The following COLEC12 variants were observed in gnomAD, a reference collection of about 807,000 sequenced individuals.
COLEC12 encodes the protein collectin subfamily member 12, also known as collectin-12.
COLEC12 carries 33 observed loss-of-function variants against 71.1 expected under a neutral mutation model. That is an observed-to-expected ratio of 0.46 (90% CI 0.35 to 0.62). COLEC12 has a LOEUF of 0.62. COLEC12 is among the 20% of genes least tolerant of loss of function. The probability of loss-of-function intolerance (pLI) is 0.00; values close to 1 mark genes in which losing one functional copy is unlikely to be tolerated. For missense variants in COLEC12, 765 were observed against 916.1 expected (o/e 0.84, Z 2.13); for synonymous variants, 350 against 353.0 (o/e 0.99, Z 0.10).
chr18:483,507 G>C (rs1197965007), intron 1 of COLEC12, among the ~76,000 whole-genome samples: 2 of 152,136 alleles, frequency 1.3e-5, no homozygotes, highest in Non-Finnish European at 2.9e-5. Context: ...CTGCAGAAAG[G>C]GAAGAGATCT....
At chr18:377,316 C>T (rs964226392) in intron 2 of COLEC12, among the ~76,000 whole-genome samples, 4 of 152,216 alleles carry the variant, frequency 2.6e-5, no homozygotes, top group Non-Finnish European at 4.4e-5. Flanking sequence ...GCTCCCGGCA[C>T]GTGTGAGCCC....
intron 2 of COLEC12, among the ~76,000 whole-genome samples, chr18:416,812 C>A (rs1351610608): frequency 7.4e-6 from 1 of 135,846 alleles, no homozygotes; most frequent in Non-Finnish European, 1.5e-5. Context: ...CCTATCTTGC[C>A]TTACACTCTG....
intron 2 of COLEC12, among the ~76,000 whole-genome samples, chr18:416,454 A>G (rs1915987787): frequency 6.6e-6 from 1 of 152,190 alleles, no homozygotes; most frequent in African/African-American, 2.4e-5. Flanking sequence ...TCTGTGACTT[A>G]TGGGTCTCTT....
intron 8 of COLEC12, among the ~76,000 whole-genome samples, chr18:326,182 C>A (rs1292328492): frequency 6.6e-6 from 1 of 152,168 alleles, no homozygotes; most frequent in African/African-American, 2.4e-5. Flanking sequence ...ATGTTTTCAT[C>A]TTCTTTGAAA....
chr18:350,431 G>A (rs142792794), intron 3 of COLEC12, among the ~76,000 whole-genome samples: 2,015 of 152,196 alleles, frequency 0.013, 32 homozygotes, highest in Admixed American at 0.047. Flanking sequence ...GCATGGGAAC[G>A]GACTAATACA....
chr18:332,814 T>C lies in COLEC12; in HGVS notation c.1953+193A>G, dbSNP rs543172612. The stretch of plus-strand genomic sequence containing the variant: ...GATAGGCAATATCTTCCAGGAAGAA[T>C]CATGAAGATACAATTCCAATGCCAC... On this transcript the variant is annotated intron_variant, in intron 7 of 9. Transcript: ENST00000400256. 2.3e-3 allele frequency among the ~76,000 whole-genome samples: 351 copies of C among 152,314 alleles called. 1 individual carries two copies. The highest frequency in any genetic ancestry group is 7.6e-3 in the African/African-American group (314 of 41,564).
Position 325,717 on chromosome 18 carries a change from G to A in COLEC12, c.2064-3910C>T, listed in dbSNP as rs538718193. 3.6e-5 allele frequency among the ~76,000 whole-genome samples: 5 copies of A among 137,470 alleles called. No individual in the cohort carries two copies. In the South Asian group the frequency reaches 1.2e-3, roughly 32 times the overall value. The allele number at this position is 137,470 out of a possible 152,430, so 90.2% of individuals were successfully genotyped here. A position where few individuals can be genotyped will look rare whatever the true frequency, so the allele number is the denominator to read the frequency against. On this transcript the variant is annotated intron_variant, in intron 8 of 9. Transcript: ENST00000400256. ...AAAGAAAAAAAGCCAAGGCTGGAATGCAGAGGTGTCATCACAGCTCACTGC... is the reference window on the plus strand; with the variant it reads ...AAAGAAAAAAAGCCAAGGCTGGAATACAGAGGTGTCATCACAGCTCACTGC...
rs141872189 is a variant in COLEC12 at position 393,796 on chromosome 18, C to G, written c.59-36274G>C. On this transcript the variant is annotated intron_variant, in intron 2 of 9. Coordinates refer to ENST00000400256, the MANE Select transcript of COLEC12 (RefSeq NM_130386.3). Reference sequence around the variant, plus strand: ...TGCTAGATCATAAATTCCTTTCAGGCAATGCCATGTACGTTTATCTTTGTA... The same window carrying G: ...TGCTAGATCATAAATTCCTTTCAGGGAATGCCATGTACGTTTATCTTTGTA... Among the ~76,000 whole-genome samples the G allele has an allele frequency of 8.8e-3, 1,338 of 152,310 alleles. 19 individuals carry two copies. Among genetic ancestry groups the G allele is most frequent in the African/African-American group, 0.028 (1,184 of 41,554 alleles).
chr18:411,511 C>T (rs1382201717), intron 2 of COLEC12, among the ~76,000 whole-genome samples: 1 of 152,108 alleles, frequency 6.6e-6, no homozygotes, highest in African/African-American at 2.4e-5. Context: ...GGAAAAGAAA[C>T]TGACTATCTC....
chr18:368,339 A>G (rs749896252), intron 2 of COLEC12, among the ~76,000 whole-genome samples: 18 of 152,352 alleles, frequency 1.2e-4, no homozygotes, highest in South Asian at 2.1e-4. Flanking sequence ...TTGGGAGGCC[A>G]AGGTGGGTGG....
intron 5 of COLEC12, among the ~76,000 whole-genome samples, chr18:340,399 A>AC (rs1241752700): frequency 6.6e-6 from 1 of 152,142 alleles, no homozygotes; most frequent in African/African-American, 2.4e-5. Context: ...TGACACCTCT[A>AC]CCCCACGGTC....
At chr18:369,538 C>T (rs1216510274) in intron 2 of COLEC12, among the ~76,000 whole-genome samples, 2 of 150,926 alleles carry the variant, frequency 1.3e-5, no homozygotes, top group African/African-American at 4.9e-5. Flanking sequence ...CATGCTGGTG[C>T]GCTGCACCCA....
intron 2 of COLEC12, among the ~76,000 whole-genome samples, chr18:438,925 G>C (rs1180938385): frequency 6.6e-6 from 1 of 152,144 alleles, no homozygotes; most frequent in African/African-American, 2.4e-5. Flanking sequence ...TGATGGTGAG[G>C]AGTTAAAGGG....
At chr18:356,798 TC>T (rs1211702886) in intron 3 of COLEC12, among the ~76,000 whole-genome samples, 1 of 152,146 alleles carries the variant, frequency 6.6e-6, no homozygotes, top group Non-Finnish European at 1.5e-5. Context: ...CAGGCAAAAA[TC>T]CTGCCCTTAC....
chr18:457,963 A>G (rs1916905507), intron 2 of COLEC12, among the ~76,000 whole-genome samples: 1 of 152,222 alleles, frequency 6.6e-6, no homozygotes, highest in African/African-American at 2.4e-5. Flanking sequence ...CTTCTGAGTT[A>G]CATAAACATG....
chr18:322,962 T>C (rs1913746927), intron 8 of COLEC12, among the ~76,000 whole-genome samples: 1 of 152,294 alleles, frequency 6.6e-6, no homozygotes, highest in Non-Finnish European at 1.5e-5. Flanking sequence ...TAGTGGCTCA[T>C]GCCTGTAATC....
intron 2 of COLEC12, among the ~76,000 whole-genome samples, chr18:361,913 T>C (rs1019433032): frequency 1.3e-5 from 2 of 152,174 alleles, no homozygotes; most frequent in African/African-American, 2.4e-5. Flanking sequence ...ATTTCTTACA[T>C]TCCACTAAGA....
rs1217880159 is a variant in COLEC12 at position 319,731 on chromosome 18, C to A, written c.*314G>T. ...CCCATAACTCAACGACCAATGATAA[C>A]CTTTTTCTGATTGGAGTGTTCCATA... On this transcript the variant is annotated 3_prime_UTR_variant, in exon 10 of 10. Transcript: ENST00000400256. 2.7e-6 allele frequency: 1 copy of A among 373,000 alleles called. No individual in the cohort carries two copies. Among genetic ancestry groups the A allele is most frequent in the Non-Finnish European group, 4.8e-6 (1 of 207,386 alleles). 23.1% of individuals were successfully genotyped at this position (373,000 alleles called of 1,614,324 possible). A position where few individuals can be genotyped will look rare whatever the true frequency, so the allele number is the denominator to read the frequency against.
intron 2 of COLEC12, among the ~76,000 whole-genome samples, chr18:374,873 C>G (rs1426028709): frequency 6.6e-6 from 1 of 152,152 alleles, no homozygotes; most frequent in African/African-American, 2.4e-5. Flanking sequence ...TCAAGACGAT[C>G]CAGTGCAGAG....
Sources: allele counts gnomAD v4.1 joint callset (sites outside exome capture counted in the v4.1 genomes callset), GRCh38; gene constraint gnomAD v4.1.1; transcripts MANE v1.5; gene names NCBI Gene and HGNC (gene_info 2026-07-23, HGNC 2026-07-21).